The following PIGX variants were observed in gnomAD, a reference collection of about 807,000 sequenced individuals.
PIGX encodes the protein phosphatidylinositol glycan anchor biosynthesis class X.
A neutral mutation model predicts 28.7 loss-of-function variants in PIGX; 24 were observed. The ratio of observed to expected loss-of-function variants is 0.84; its 90% CI spans 0.60 to 1.17. The LOEUF is 1.17. Ranked by LOEUF, PIGX falls within the 50% of genes most tolerant of loss-of-function variation. The pLI is 0.00. For synonymous variants in PIGX, 127 were observed against 121.0 expected, an observed-to-expected ratio of 1.05 and a Z score of -0.33; for missense variants, 305 against 317.8, an observed-to-expected ratio of 0.96 and a Z score of 0.31.
intron 3 of PIGX, among the ~76,000 whole-genome samples, chr3:196,727,703 A>G (rs1332798996): frequency 6.6e-6 from 1 of 152,206 alleles, no homozygotes; most frequent in Non-Finnish European, 1.5e-5. Context: ...CCTAGAATAT[A>G]ATTTCCCCAG....
intron 2 of PIGX, among the ~76,000 whole-genome samples, chr3:196,719,790 AT>A (rs1257438413): frequency 6.6e-6 from 1 of 151,564 alleles, no homozygotes; most frequent in Non-Finnish European, 1.5e-5. Flanking sequence ...AAAATTTACA[AT>A]TTTAACTTTT....
Position 196,734,119 on chromosome 3 carries a change from G to A in PIGX, c.*217G>A, listed in dbSNP as rs760274800. The A allele has an allele frequency of 4.8e-6, 2 of 419,522 alleles. No individual in the cohort carries two copies. Among genetic ancestry groups the A allele is most frequent in the Admixed American group, 4.1e-5 (1 of 24,332 alleles). The allele number at this position is 419,522 out of a possible 1,614,324, so 26.0% of individuals were successfully genotyped here. A position where few individuals can be genotyped will look rare whatever the true frequency, so the allele number is the denominator to read the frequency against. ...AATCCTCAAGCATCAGATGCCATAA[G>A]GGGAAACTTAATTCTGCTAAATTAA... On this transcript the variant is annotated 3_prime_UTR_variant, in exon 6 of 6. Transcript: ENST00000392391.
chr3:196,732,157 T>G (rs1712786325), intron 5 of PIGX, among the ~76,000 whole-genome samples: 2 of 143,728 alleles, frequency 1.4e-5, no homozygotes, highest in Non-Finnish European at 3.0e-5. Flanking sequence ...TAACTTGCCA[T>G]AAGAGGTCAT....
At chr3:196,726,843 A>G (rs1712543005) in intron 3 of PIGX, 1 of 259,452 alleles carries the variant, frequency 3.9e-6, no homozygotes, top group South Asian at 3.5e-5. Flanking sequence ...GATGACTTAT[A>G]GTAATGAGCT....
At chr3:196,717,841 A>T (rs550784646) in intron 2 of PIGX, 5 of 152,202 alleles carry the variant, frequency 3.3e-5, no homozygotes, top group Admixed American at 2.6e-4. Context: ...TTTCCAAAAA[A>T]GAAATTATCT....
At chr3:196,730,601 A>T (rs895360120) in intron 4 of PIGX, among the ~76,000 whole-genome samples, 1 of 151,948 alleles carries the variant, frequency 6.6e-6, no homozygotes, top group African/African-American at 2.4e-5. Flanking sequence ...TACAAAAATT[A>T]GCTGGGTGCA....
At chr3:196,721,823 G>A (rs142210119) in intron 2 of PIGX, among the ~76,000 whole-genome samples, 6 of 151,846 alleles carry the variant, frequency 4.0e-5, no homozygotes, top group African/African-American at 1.5e-4. Flanking sequence ...CATGATCTTG[G>A]TTCATTGCAC....
Position 196,731,028 on chromosome 3 carries a change from T to G in PIGX, c.569T>G (p.Val190Gly). 6.2e-7 allele frequency: 1 copy of G among 1,611,846 alleles called. No individual in the cohort carries two copies. The highest frequency in any genetic ancestry group is 8.5e-7 in the Non-Finnish European group (1 of 1,178,074). ...TTGAAATGCTGGGCTCACTCAGAAG[T>G]GGCAGCCCCTTGTGCTTTGGAGAAT... The change falls in exon 5 of 6, where the codon GTG (valine) becomes GGG (glycine). Residue 190 changes from valine to glycine, a missense_variant. Coordinates refer to ENST00000392391, the MANE Select transcript of PIGX (RefSeq NM_017861.4).
chr3:196,714,982 A>G (rs1245082321), intron 1 of PIGX, among the ~76,000 whole-genome samples: 6 of 152,152 alleles, frequency 3.9e-5, no homozygotes. Flanking sequence ...AGGCTGAGGC[A>G]GGAGAATTGC....
chr3:196,732,830 A>G (rs1187135312), intron 5 of PIGX, among the ~76,000 whole-genome samples: 3 of 152,236 alleles, frequency 2.0e-5, no homozygotes, highest in African/African-American at 7.2e-5. Flanking sequence ...TTTTTAAAGT[A>G]TAAACTTTCC....
chr3:196,712,684 G>T (rs1711875414), intron 1 of PIGX, 40 bp downstream of exon 1: 24 of 1,173,736 alleles, frequency 2.0e-5, no homozygotes, highest in Non-Finnish European at 2.4e-5. Context: ...GCGTGGGAGC[G>T]GTCCCGGCTC....
intron 3 of PIGX, among the ~76,000 whole-genome samples, 156 bp downstream of exon 3, chr3:196,722,712 C>G (rs997141393): frequency 1.3e-5 from 2 of 152,200 alleles, no homozygotes; most frequent in African/African-American, 2.4e-5. Context: ...AAGTGAGTGA[C>G]TCTTGTCAGG....
rs1712875322 is a variant in PIGX, at chr3:196,733,034, T to C, written c.634-725T>C. ...AAAGAATAATTTAGTTTTTTGTTGT[T>C]TTAATGTTTTTCCTCTAAGTCTTCA... On this transcript the variant is annotated intron_variant, in intron 5 of 5. Coordinates refer to ENST00000392391, the MANE Select transcript of PIGX (RefSeq NM_017861.4). The surrounding 1 kb of genome is among the most constrained non-coding windows in gnomAD (Gnocchi z 4.3). Among the ~76,000 whole-genome samples the C allele has an allele frequency of 6.6e-6, 1 of 152,222 alleles. No individual in the cohort carries two copies. The highest frequency in any genetic ancestry group is 1.5e-5 in the Non-Finnish European group (1 of 68,030).
intron 2 of PIGX, among the ~76,000 whole-genome samples, chr3:196,718,116 G>A (rs546177654): frequency 6.6e-5 from 10 of 152,152 alleles, no homozygotes; most frequent in East Asian, 3.9e-4. Flanking sequence ...CGAGACCAGC[G>A]TGGCAAACAC....
chr3:196,724,519 G>A (rs1163494067), intron 3 of PIGX, among the ~76,000 whole-genome samples: 1 of 152,122 alleles, frequency 6.6e-6, no homozygotes, highest in East Asian at 1.9e-4. Context: ...TCATATCTTT[G>A]GATGGGGATG....
Position 196,728,143 on chromosome 3 carries a change from G to T in PIGX, c.532+7G>T. Reference sequence around the variant, plus strand: ...TTGATGTTTTGTGACCAAGGTGAGGGCTGCAAGTGTTTTCTAAGGGTTGAA... The same window carrying T: ...TTGATGTTTTGTGACCAAGGTGAGGTCTGCAAGTGTTTTCTAAGGGTTGAA... On this transcript the variant is annotated splice_region_variant and intron_variant, in intron 4 of 5. Coordinates refer to ENST00000392391, the MANE Select transcript of PIGX (RefSeq NM_017861.4). 1 of 1,609,244 alleles carries T rather than the reference G, an allele frequency of 6.2e-7. No homozygotes were observed. Among genetic ancestry groups the T allele is most frequent in the Non-Finnish European group, 8.5e-7 (1 of 1,175,626 alleles).
At chr3:196,724,429 C>A (rs562450890) in intron 3 of PIGX, among the ~76,000 whole-genome samples, 1 of 152,270 alleles carries the variant, frequency 6.6e-6, no homozygotes, top group South Asian at 2.1e-4. Context: ...GGGTTGGAAT[C>A]ATATTTAAAT....
At position 196,712,526 on chromosome 3, in the gene PIGX, CGGCGTCCT is replaced by C. The variant is rs914306859; in HGVS notation, c.-2_6del. The C allele has an allele frequency of 4.3e-6, 5 of 1,159,722 alleles. No homozygotes were observed. The African/African-American group carries it at 8.1e-5, about 19-fold the overall frequency. 71.8% of individuals were successfully genotyped at this position (1,159,722 alleles called of 1,614,324 possible). On this transcript the variant is annotated start_lost and 5_prime_UTR_variant, in exon 1 of 6. Coordinates refer to ENST00000392391, the MANE Select transcript of PIGX (RefSeq NM_017861.4). ...GCGCCCCTCTCGGGCGTCCGGCTTC[CGGCGTCCT>C]GGCGGCTCGGGTGGCGGCGGTTCGG...
At chr3:196,730,842 G>T in intron 4 of PIGX, 150 bp from the exon 5 acceptor site, 2 of 359,770 alleles carry the variant, frequency 5.6e-6, no homozygotes, top group Non-Finnish European at 5.2e-6. Context: ...AAAAAAGGAT[G>T]CTAAAATAAC....
Sources: gnomAD v4.1 joint callset for allele counts (sites outside exome capture counted in the v4.1 genomes callset) on GRCh38, gnomAD v4.1.1 for gene constraint, Gnocchi (gnomAD v3.1) non-coding constraint, MANE v1.5 for transcripts, NCBI Gene and HGNC (gene_info 2026-07-23, HGNC 2026-07-21) for gene names.